The following EVL variants were observed in gnomAD, a reference collection of about 807,000 sequenced individuals.
EVL encodes the protein ena/VASP-like protein.
In EVL, 21 loss-of-function variants were observed where a neutral mutation model predicts 59.6. That is an observed-to-expected ratio of 0.35 (90% CI 0.25 to 0.51). EVL has a LOEUF of 0.51. EVL is among the 20% of genes least tolerant of loss of function. EVL has a pLI of 0.97. For synonymous variants in EVL, 198 were observed against 203.5 expected, an observed-to-expected ratio of 0.97 and a Z score of 0.23; for missense variants, 462 against 546.6, an observed-to-expected ratio of 0.85 and a Z score of 1.54.
At chr14:100,019,792 A>C in intron 1 of EVL, 1 of 1,164,740 alleles carries the variant, frequency 8.6e-7, no homozygotes, top group East Asian at 2.6e-5. Flanking sequence ...CACAAAAAAA[A>C]CAGGGTTCTT....
At chr14:99,988,825 G>T (rs1232836970) in intron 1 of EVL, among the ~76,000 whole-genome samples, 1 of 152,142 alleles carries the variant, frequency 6.6e-6, no homozygotes, top group Non-Finnish European at 1.5e-5. Context: ...ACCACATATT[G>T]TATGATTCCA....
chr14:100,092,046 C>T (rs2062576211), intron 2 of EVL, among the ~76,000 whole-genome samples: 1 of 151,896 alleles, frequency 6.6e-6, no homozygotes, highest in African/African-American at 2.4e-5. Context: ...CAAGACCAGC[C>T]TGGGCAACAT....
chr14:100,021,875 T>C (rs1473215146), intron 1 of EVL, among the ~76,000 whole-genome samples: 2 of 152,028 alleles, frequency 1.3e-5, no homozygotes, highest in Non-Finnish European at 2.9e-5. Context: ...CAAGGACAGG[T>C]AGGTGAACCA....
intron 1 of EVL, among the ~76,000 whole-genome samples, chr14:100,028,535 G>A (rs899085903): frequency 1.2e-4 from 18 of 152,144 alleles, no homozygotes; most frequent in African/African-American, 3.1e-4. Context: ...TCTATCGGCC[G>A]GGCGCGGTGG....
chr14:100,038,805 T>TGTG (rs1555415165), intron 1 of EVL, among the ~76,000 whole-genome samples: 1 of 151,030 alleles, frequency 6.6e-6, no homozygotes, highest in Non-Finnish European at 1.5e-5. Flanking sequence ...TGTGTGTGTG[T>TGTG]TGCTGTAAAG....
Position 100,127,447 on chromosome 14 carries a change from G to A in EVL, c.487+676G>A, listed in dbSNP as rs772785728. Among the ~76,000 whole-genome samples, 1 of 152,158 alleles carries A rather than the reference G, an allele frequency of 6.6e-6. No individual in the cohort carries two copies. The highest frequency in any genetic ancestry group is 1.5e-5 in the Non-Finnish European group (1 of 68,032). ...CCGAGCCCCCACTGGTTACAGGAAC[G>A]CTCTGCTCGTGAGATGCTGGCTGAC... is the stretch of plus-strand genomic sequence containing the variant. On this transcript the variant is annotated intron_variant, in intron 5 of 13. Coordinates refer to ENST00000392920, the MANE Select transcript of EVL (RefSeq NM_016337.3). This position sits in a 1 kb window ranked among gnomAD's most constrained non-coding sequence, Gnocchi z 4.2.
intron 4 of EVL, 22 bp from the exon 5 acceptor site, chr14:100,126,685 C>T (rs1308528872): frequency 1.2e-6 from 2 of 1,613,690 alleles, no homozygotes; most frequent in East Asian, 2.2e-5. Context: ...AGTCAGACTG[C>T]CCTGCTGTGA....
chr14:100,035,758 C>T (rs950330492), intron 1 of EVL, among the ~76,000 whole-genome samples: 6 of 152,128 alleles, frequency 3.9e-5, no homozygotes, highest in Non-Finnish European at 7.4e-5. Context: ...TAGAAAGATA[C>T]GTGTTTTGCC....
chr14:100,128,686 G>A lies in EVL; in HGVS notation c.655G>A (p.Glu219Lys), dbSNP rs1173556354. The A allele has an allele frequency of 1.3e-6, 2 of 1,582,822 alleles. No homozygotes were observed. Among genetic ancestry groups the A allele is most frequent in the Admixed American group, 1.7e-5 (1 of 58,426 alleles). ...AGGAGCCCAGGGGTCCAGCCACGACGAGAGCTCCATGTCAGGACTGGCCGC... is the reference window on the plus strand; with the variant it reads ...AGGAGCCCAGGGGTCCAGCCACGACAAGAGCTCCATGTCAGGACTGGCCGC... The part of the protein sequence containing the change: ...AGGAQGSSHD[E>K]SSMSGLAAAI... Residue 219 changes from glutamate (E) to lysine (K), a missense_variant, in exon 6 of 14, where the codon GAG becomes AAG. Coordinates refer to ENST00000392920, the MANE Select transcript of EVL (RefSeq NM_016337.3).
chr14:100,070,062 T>TAAA (rs569848858), intron 1 of EVL, among the ~76,000 whole-genome samples: 18 of 122,386 alleles, frequency 1.5e-4, no homozygotes, highest in African/African-American at 4.2e-4. Flanking sequence ...CCTCCTCTCT[T>TAAA]AAAAAAAAAA....
chr14:100,015,581 C>T (rs1029926362), intron 1 of EVL, among the ~76,000 whole-genome samples: 2 of 152,130 alleles, frequency 1.3e-5, no homozygotes, highest in African/African-American at 4.8e-5. Flanking sequence ...GCTGGGAGAG[C>T]CCCACAGATC....
At chr14:100,069,224 G>A (rs963457207) in intron 1 of EVL, among the ~76,000 whole-genome samples, 1 of 152,206 alleles carries the variant, frequency 6.6e-6, no homozygotes, top group East Asian at 1.9e-4. Flanking sequence ...TTGCTACTCA[G>A]TGGAGCTTCC....
chr14:100,079,131 T>C (rs1567002904), intron 1 of EVL, among the ~76,000 whole-genome samples: 1 of 152,194 alleles, frequency 6.6e-6, no homozygotes, highest in African/African-American at 2.4e-5. Flanking sequence ...GAGATGCACC[T>C]TTAGAGGCAG....
chr14:100,090,926 G>A (rs1387081319), intron 2 of EVL, among the ~76,000 whole-genome samples: 2 of 152,064 alleles, frequency 1.3e-5, no homozygotes, highest in African/African-American at 4.8e-5. Context: ...AAACCATCTC[G>A]CATTGCAGAT....
upstream of EVL, among the ~76,000 whole-genome samples, chr14:100,063,587 T>C (rs575586930): frequency 2.6e-5 from 4 of 152,174 alleles, no homozygotes; most frequent in Non-Finnish European, 4.4e-5. Context: ...AAATCCACAG[T>C]CACAGTTGAA....
At chr14:99,997,706 G>A (rs936409137) in intron 1 of EVL, among the ~76,000 whole-genome samples, 9 of 152,172 alleles carry the variant, frequency 5.9e-5, no homozygotes, top group African/African-American at 2.2e-4. Context: ...TCCTTTTATT[G>A]GTTGTTTGCG....
At chr14:100,001,748 C>G (rs1437653443) in intron 1 of EVL, among the ~76,000 whole-genome samples, 1 of 152,208 alleles carries the variant, frequency 6.6e-6, no homozygotes, top group Admixed American at 6.5e-5. Context: ...TACCACAGGT[C>G]AGGAACCCTG....
chr14:100,141,660 T>C (rs1176855966), intron 12 of EVL, 76 bp from the exon 13 acceptor site: 2 of 1,467,008 alleles, frequency 1.4e-6, no homozygotes, highest in South Asian at 1.2e-5. Flanking sequence ...CCAAGCCCTT[T>C]GGACATGGCC....
At chr14:100,078,315 C>T (rs1031429833) in intron 1 of EVL, among the ~76,000 whole-genome samples, 1 of 152,096 alleles carries the variant, frequency 6.6e-6, no homozygotes, top group Non-Finnish European at 1.5e-5. Flanking sequence ...AGAAAGGAAA[C>T]CTGTGAAGGA....
Sources: gnomAD v4.1 joint callset for allele counts (sites outside exome capture counted in the v4.1 genomes callset) on GRCh38, gnomAD v4.1.1 for gene constraint, Gnocchi (gnomAD v3.1) non-coding constraint, MANE v1.5 for transcripts, NCBI Gene and HGNC (gene_info 2026-07-23, HGNC 2026-07-21) for gene names.